Variants in LRRC37A3 observed in about 807,000 individuals in gnomAD.
The protein encoded by LRRC37A3 is leucine-rich repeat-containing protein 37A3.
LRRC37A3 carries 25 observed loss-of-function variants against 106.2 expected under a neutral mutation model. That is an observed-to-expected ratio of 0.24 (90% CI 0.17 to 0.33). LRRC37A3 has a LOEUF of 0.33. Among genes scored for constraint, LRRC37A3 ranks in the 10% least tolerant of loss-of-function variants. The probability of loss-of-function intolerance (pLI) is 1.00; values close to 1 mark genes in which losing one functional copy is unlikely to be tolerated. For missense variants in LRRC37A3, 712 were observed against 1,644.9 expected (o/e 0.43, Z 9.81); for synonymous variants, 305 against 635.8 (o/e 0.48, Z 7.83).
At position 64,877,145 on chromosome 17, in the gene LRRC37A3, G is replaced by A. The variant is rs189367408; in HGVS notation, c.2907-7979C>T. Reference sequence around the variant, plus strand: ...CTCATGCCTGTAATCCCAGCATTTTGGGAGGCTGAAGCAGGTGGATCATCT... The same window carrying A: ...CTCATGCCTGTAATCCCAGCATTTTAGGAGGCTGAAGCAGGTGGATCATCT... On this transcript the variant is annotated intron_variant, in intron 8 of 14. Coordinates refer to ENST00000584306, the MANE Select transcript of LRRC37A3 (RefSeq NM_199340.5). 33 of 151,926 alleles carry A rather than the reference G, an allele frequency of 2.2e-4. 1 individual carries two copies. Among genetic ancestry groups the A allele is most frequent in the Admixed American group, 2.0e-3 (31 of 15,250 alleles). 9.4% of individuals were successfully genotyped at this position (151,926 alleles called of 1,614,324 possible). A position where few individuals can be genotyped will look rare whatever the true frequency, so the allele number is the denominator to read the frequency against.
intron 2 of LRRC37A3, among the ~76,000 whole-genome samples, chr17:64,908,911 AAG>A (rs1974523026): frequency 6.6e-6 from 1 of 150,592 alleles, no homozygotes; most frequent in Non-Finnish European, 1.5e-5. Flanking sequence ...AAAATATTTT[AAG>A]AAGTACCACC....
Position 64,859,426 on chromosome 17 carries a change from T to C in LRRC37A3, c.4704+16A>G, listed in dbSNP as rs762583917. 3 of 787,734 alleles carry C rather than the reference T, an allele frequency of 3.8e-6. No homozygotes were observed. The Admixed American group carries it at 7.7e-5, about 20-fold the overall frequency. The allele number at this position is 787,734 out of a possible 1,614,324, so 48.8% of individuals were successfully genotyped here. The stretch of plus-strand genomic sequence containing the variant: ...TGATGGGAAATCTGGGTCTCATGTT[T>C]CTGTGTAGTCCTCACCTCAAGCGAC... On this transcript the variant is annotated intron_variant, in intron 12 of 14. Coordinates refer to ENST00000584306, the MANE Select transcript of LRRC37A3 (RefSeq NM_199340.5).
Position 64,860,665 on chromosome 17 carries a change from G to A in LRRC37A3, c.3481C>T (p.Arg1161Trp), listed in dbSNP as rs755015878. The A allele has an allele frequency of 2.4e-5, 38 of 1,613,826 alleles. No homozygotes were observed. The highest frequency in any genetic ancestry group is 4.5e-5 in the East Asian group (2 of 44,906). ...ATGAGGACTCTATTCAGTCTCTGCCGGTTTTTGCCTACAGTTTGAATCTTT... is the reference window on the plus strand; with the variant it reads ...ATGAGGACTCTATTCAGTCTCTGCCAGTTTTTGCCTACAGTTTGAATCTTT... ...LAKIQTVGKN[R>W]QRLNRVLMGP... is the part of the protein sequence containing the mutation. Residue 1161 changes from arginine to tryptophan, a missense_variant, in exon 12 of 15, where the codon CGG becomes TGG. Coordinates refer to ENST00000584306, the MANE Select transcript of LRRC37A3 (RefSeq NM_199340.5).
intron 2 of LRRC37A3, among the ~76,000 whole-genome samples, chr17:64,917,770 C>T (rs935383674): frequency 6.6e-6 from 1 of 151,748 alleles, no homozygotes; most frequent in Non-Finnish European, 1.5e-5. Flanking sequence ...AGTTCAAGAC[C>T]AGCCTGGCCA....
At chr17:64,876,664 A>G (rs1336915793) in intron 8 of LRRC37A3, among the ~76,000 whole-genome samples, 1 of 152,226 alleles carries the variant, frequency 6.6e-6, no homozygotes, top group African/African-American at 2.4e-5. Flanking sequence ...ACTGAATCTG[A>G]CTTGAGAAAA....
intron 8 of LRRC37A3, among the ~76,000 whole-genome samples, chr17:64,878,770 C>G (rs747787573): frequency 7.9e-5 from 12 of 152,188 alleles, no homozygotes; most frequent in Non-Finnish European, 1.2e-4. Flanking sequence ...ATCAGCCTGA[C>G]AGGTCCTCGA....
At position 64,866,589 on chromosome 17, in the gene LRRC37A3, CATATAT is replaced by C. The variant is rs1212670512; in HGVS notation, c.3053+1867_3053+1872del. On this transcript the variant is annotated intron_variant, in intron 10 of 14. Coordinates refer to ENST00000584306, the MANE Select transcript of LRRC37A3 (RefSeq NM_199340.5). ...ATATATATATACATATATACACGTACATATATATATATATATATATATATATATATA... is the reference window on the plus strand; with the variant it reads ...ATATATATATACATATATACACGTACATATATATATATATATATATATATA... Among the ~76,000 whole-genome samples the C allele has an allele frequency of 5.1e-3, 122 of 24,122 alleles. 3 individuals carry two copies. Among genetic ancestry groups the C allele is most frequent in the African/African-American group, 8.5e-3 (65 of 7,616 alleles). 15.8% of individuals were successfully genotyped at this position (24,122 alleles called of 152,430 possible).
intron 1 of LRRC37A3, among the ~76,000 whole-genome samples, 194 bp from the exon 2 acceptor site, chr17:64,919,064 G>C (rs1450251372): frequency 3.3e-5 from 5 of 151,922 alleles, no homozygotes; most frequent in African/African-American, 1.2e-4. Context: ...CCCCCCCTGG[G>C]CGAGCTCAGC....
At chr17:64,914,974 G>A (rs1215101490) in intron 2 of LRRC37A3, among the ~76,000 whole-genome samples, 1 of 151,796 alleles carries the variant, frequency 6.6e-6, no homozygotes, top group Non-Finnish European at 1.5e-5. Context: ...GGTTACCGGG[G>A]GCTGGGAAGC....
intron 2 of LRRC37A3, among the ~76,000 whole-genome samples, chr17:64,907,219 GAAACAA>G (rs903666945): frequency 4.1e-5 from 6 of 144,876 alleles, no homozygotes; most frequent in African/African-American, 1.3e-4. Context: ...TCATTTCACT[GAAACAA>G]AAACAAAAAC....
intron 11 of LRRC37A3, among the ~76,000 whole-genome samples, 158 bp from the exon 12 acceptor site, chr17:64,861,131 T>C (rs1423747797): frequency 6.6e-6 from 1 of 152,190 alleles, no homozygotes; most frequent in African/African-American, 2.4e-5. Flanking sequence ...ACCTATGAAA[T>C]GGCAACAACA....
At position 64,854,578 on chromosome 17, in the gene LRRC37A3, G is replaced by C. The variant is rs1228800503; in HGVS notation, c.*21C>G. 6.2e-7 allele frequency: 1 copy of C among 1,613,924 alleles called. No homozygotes were observed. The highest frequency in any genetic ancestry group is 1.7e-5 in the Admixed American group (1 of 60,002). The stretch of plus-strand genomic sequence containing the variant: ...CGCTATGTATTTTTGCAGGAGGCCT[G>C]AGGTGGGCTGGGTTCTCCTCCTATG... On this transcript the variant is annotated 3_prime_UTR_variant, in exon 15 of 15. Transcript: ENST00000584306.
intron 2 of LRRC37A3, among the ~76,000 whole-genome samples, chr17:64,911,105 C>T (rs1437225219): frequency 6.6e-6 from 1 of 152,170 alleles, no homozygotes; most frequent in East Asian, 1.9e-4. Flanking sequence ...CTGAAAGTCT[C>T]ACCAGTGTTT....
chr17:64,909,279 A>C (rs533027537), intron 2 of LRRC37A3, among the ~76,000 whole-genome samples: 7 of 152,346 alleles, frequency 4.6e-5, no homozygotes, highest in Admixed American at 2.0e-4. Context: ...AAGAAAAAAA[A>C]CAAAAAACAA....
chr17:64,862,105 TAAA>T (rs35421412), intron 11 of LRRC37A3, among the ~76,000 whole-genome samples: 1 of 123,286 alleles, frequency 8.1e-6, no homozygotes. Flanking sequence ...ACATAATTGG[TAAA>T]AAAAAAAAAA....
chr17:64,890,462 T>C (rs1350937238), intron 5 of LRRC37A3, among the ~76,000 whole-genome samples: 4 of 115,502 alleles, frequency 3.5e-5, no homozygotes, highest in African/African-American at 5.1e-5. Flanking sequence ...AGTGTGCCCC[T>C]TTCCAATCAT....
intron 2 of LRRC37A3, among the ~76,000 whole-genome samples, chr17:64,915,565 C>T (rs1275421180): frequency 2.0e-5 from 3 of 152,176 alleles, no homozygotes; most frequent in Non-Finnish European, 4.4e-5. Context: ...ACTATCTGAC[C>T]TTTTACAGAA....
Position 64,859,469 on chromosome 17 carries a change from C to G in LRRC37A3, c.4677G>C (p.Gln1559His), listed in dbSNP as rs755718292. The G allele has an allele frequency of 1.2e-5, 20 of 1,610,498 alleles. 1 individual carries two copies. In the South Asian group the frequency reaches 2.1e-4, roughly 17 times the overall value. ...CAAGCGACTTCTCTTTCTGTTCACT[C>G]TGGGCTTCTGTGCTCTCATTAATGT... ...ENYINESTEA[Q>H]SEQKEKSLEF... The change falls in exon 12 of 15, where the codon CAG (glutamine) becomes CAC (histidine). Residue 1559 changes from glutamine (Q) to histidine (H), a missense_variant. By Grantham distance (24) the Gln-to-His change is conservative (BLOSUM62 0). Coordinates refer to ENST00000584306, the MANE Select transcript of LRRC37A3 (RefSeq NM_199340.5).
intron 2 of LRRC37A3, among the ~76,000 whole-genome samples, chr17:64,904,292 C>G (rs1332657073): frequency 1.3e-5 from 2 of 152,380 alleles, no homozygotes; most frequent in Non-Finnish European, 2.9e-5. Context: ...CCAGGCAGGA[C>G]AACACAGCAA....
Sources: allele counts gnomAD v4.1 joint callset (sites outside exome capture counted in the v4.1 genomes callset), GRCh38; gene constraint gnomAD v4.1.1; transcripts MANE v1.5; gene names NCBI Gene and HGNC (gene_info 2026-07-23, HGNC 2026-07-21).